The following ROR1 variants were observed in gnomAD, a reference collection of about 807,000 sequenced individuals.
The protein encoded by ROR1 is inactive tyrosine-protein kinase transmembrane receptor ROR1.
A neutral mutation model predicts 78.8 loss-of-function variants in ROR1; 19 were observed. The ratio of observed to expected loss-of-function variants is 0.24; its 90% CI spans 0.17 to 0.35. ROR1 has a LOEUF of 0.35. ROR1 is among the 10% of genes least tolerant of loss of function. The pLI is 1.00. For synonymous variants in ROR1, 386 were observed against 433.6 expected (o/e 0.89, Z 1.36); for missense variants, 917 against 1,177.8 (o/e 0.78, Z 3.24).
At chr1:64,162,376 G>A (rs564285103) in intron 8 of ROR1, among the ~76,000 whole-genome samples, 8 of 152,294 alleles carry the variant, frequency 5.3e-5, no homozygotes, top group Admixed American at 2.6e-4. Flanking sequence ...GGGAGCTGCC[G>A]ACAGACTGGC....
intron 2 of ROR1, among the ~76,000 whole-genome samples, chr1:64,022,010 A>T (rs933992600): frequency 2.6e-5 from 4 of 152,338 alleles, no homozygotes; most frequent in South Asian, 2.1e-4. Context: ...CATCAGTGGG[A>T]TGACTGGTAA....
intron 2 of ROR1, among the ~76,000 whole-genome samples, chr1:64,042,546 C>CA (rs1244522350): frequency 6.6e-6 from 1 of 152,198 alleles, no homozygotes; most frequent in Non-Finnish European, 1.5e-5. Flanking sequence ...TAAGATCCAG[C>CA]AGGTGGGGTC....
At chr1:63,806,650 T>A (rs765658879) in intron 1 of ROR1, among the ~76,000 whole-genome samples, 5 of 152,188 alleles carry the variant, frequency 3.3e-5, no homozygotes, top group Non-Finnish European at 7.3e-5. Flanking sequence ...AATTTAGTGT[T>A]TTGTTTTTGT....
At chr1:63,860,616 C>CACACACAA (rs1645174981) in intron 1 of ROR1, among the ~76,000 whole-genome samples, 2 of 146,884 alleles carry the variant, frequency 1.4e-5, no homozygotes, top group Admixed American at 6.8e-5. Context: ...TACACACACA[C>CACACACAA]AAAATAGCCA....
intron 2 of ROR1, among the ~76,000 whole-genome samples, chr1:64,020,718 G>A (rs1161990242): frequency 6.6e-6 from 1 of 152,138 alleles, no homozygotes; most frequent in African/African-American, 2.4e-5. Context: ...GCTTGCAGAA[G>A]TTGGTCCACA....
chr1:64,126,073 A>G (rs10489905), intron 4 of ROR1, among the ~76,000 whole-genome samples: 15,059 of 152,262 alleles, frequency 0.099, 873 homozygotes, highest in Non-Finnish European at 0.13. Context: ...TCAGGAAAGC[A>G]TCTTAAAGGA....
At chr1:63,970,064 C>T (rs1646107039) in intron 1 of ROR1, among the ~76,000 whole-genome samples, 1 of 152,142 alleles carries the variant, frequency 6.6e-6, no homozygotes, top group African/African-American at 2.4e-5. Flanking sequence ...TTAGAATGTT[C>T]TCTCCCTTGC....
Position 64,137,433 on chromosome 1 carries a change from G to T in ROR1, c.547G>T (p.Gly183Cys), listed in dbSNP as rs1649151204. Residue 183 changes from glycine to cysteine, a missense_variant, in exon 5 of 9, where the codon GGC becomes TGC. Gly to Cys is a radical substitution (Grantham distance 159). This residue lies in a region of ROR1 where 835 missense variants were observed against 1,069.8 expected (regional missense o/e 0.78). Transcript: ENST00000371079. ...AGGGATTGCATGTGCAAGATTTATT[G>T]GCAACCGCACCGTCTATATGGAGTC... ...YRGIACARFI[G>C]NRTVYMESLH... The T allele has an allele frequency of 6.2e-7, 1 of 1,613,822 alleles. No homozygotes were observed. The highest frequency in any genetic ancestry group is 1.7e-5 in the Admixed American group (1 of 60,004).
At position 63,864,519 on chromosome 1, in the gene ROR1, G is replaced by A. The variant is rs187446874; in HGVS notation, c.91+90011G>A. Among the ~76,000 whole-genome samples, 10 of 152,206 alleles carry A rather than the reference G, an allele frequency of 6.6e-5. No homozygotes were observed. In the East Asian group the frequency reaches 1.5e-3, roughly 24 times the overall value. ...TCCATGTGTGTTGTGTTGGTATGACGGGGGGTAGGCGGTTTGGTGGTTTTC... is the reference window on the plus strand; with the variant it reads ...TCCATGTGTGTTGTGTTGGTATGACAGGGGGTAGGCGGTTTGGTGGTTTTC... On this transcript the variant is annotated intron_variant, in intron 1 of 8. Coordinates refer to ENST00000371079, the MANE Select transcript of ROR1 (RefSeq NM_005012.4).
chr1:63,990,648 G>T (rs1646288388), intron 1 of ROR1, among the ~76,000 whole-genome samples: 1 of 152,054 alleles, frequency 6.6e-6, no homozygotes, highest in African/African-American at 2.4e-5. Context: ...TTTTGTCAAA[G>T]ATAAAATATT....
intron 4 of ROR1, among the ~76,000 whole-genome samples, chr1:64,086,532 C>T (rs1464242668): frequency 6.6e-6 from 1 of 152,218 alleles, no homozygotes; most frequent in Non-Finnish European, 1.5e-5. Flanking sequence ...ATCCTCTCTT[C>T]TAACCTACTT....
In ROR1 at chr1:63,843,322, C is replaced by T. The variant is rs1039725159; in HGVS notation, c.91+68814C>T. On this transcript the variant is annotated intron_variant, in intron 1 of 8. Coordinates refer to ENST00000371079, the MANE Select transcript of ROR1 (RefSeq NM_005012.4). ...TTGATCCCTGTCAGCTTCTTGACGGCGTCCTTGGAGCTGGCATAGATCATT... is the reference window on the plus strand; with the variant it reads ...TTGATCCCTGTCAGCTTCTTGACGGTGTCCTTGGAGCTGGCATAGATCATT... 1.4e-4 allele frequency: 163 copies of T among 1,170,072 alleles called. 1 individual carries two copies. The highest frequency in any genetic ancestry group is 1.9e-4 in the Non-Finnish European group (152 of 781,524). The allele number at this position is 1,170,072 out of a possible 1,614,324, so 72.5% of individuals were successfully genotyped here. A position where few individuals can be genotyped will look rare whatever the true frequency, so the allele number is the denominator to read the frequency against.
At chr1:64,047,714 T>G (rs1344609726) in intron 2 of ROR1, among the ~76,000 whole-genome samples, 1 of 152,190 alleles carries the variant, frequency 6.6e-6, no homozygotes, top group African/African-American at 2.4e-5. Context: ...CTCAAACATC[T>G]TAGGAACATA....
At chr1:63,968,996 C>T (rs1353035778) in intron 1 of ROR1, among the ~76,000 whole-genome samples, 1 of 152,306 alleles carries the variant, frequency 6.6e-6, no homozygotes, top group East Asian at 1.9e-4. Context: ...ATGCAGCAAA[C>T]CCTCAGTATC....
At chr1:63,960,927 A>G (rs1646022306) in intron 1 of ROR1, among the ~76,000 whole-genome samples, 1 of 152,220 alleles carries the variant, frequency 6.6e-6, no homozygotes, top group Non-Finnish European at 1.5e-5. Context: ...TATTTTTTAA[A>G]TTAGGAAACA....
At chr1:64,148,205 A>G (rs1298980623) in intron 7 of ROR1, among the ~76,000 whole-genome samples, 1 of 152,190 alleles carries the variant, frequency 6.6e-6, no homozygotes, top group Non-Finnish European at 1.5e-5. Context: ...ATACCCAAGA[A>G]AGAAAACTGA....
chr1:63,982,825 C>A (rs1335888625), intron 1 of ROR1, among the ~76,000 whole-genome samples: 1 of 152,030 alleles, frequency 6.6e-6, no homozygotes, highest in African/African-American at 2.4e-5. Context: ...GTGAAGAACA[C>A]TGGCTATCCA....
chr1:63,972,626 G>A (rs1430173372), intron 1 of ROR1, among the ~76,000 whole-genome samples: 4 of 152,178 alleles, frequency 2.6e-5, no homozygotes, highest in South Asian at 2.1e-4. Context: ...TTAGTAAGGT[G>A]GGTGGCATAC....
chr1:63,965,891 G>T (rs1646070946), intron 1 of ROR1, among the ~76,000 whole-genome samples: 1 of 152,202 alleles, frequency 6.6e-6, no homozygotes, highest in Non-Finnish European at 1.5e-5. Flanking sequence ...GGACTGTGGA[G>T]TCAGGTAAAC....
Sources: gnomAD v4.1 joint callset for allele counts (sites outside exome capture counted in the v4.1 genomes callset) on GRCh38, gnomAD v4.1.1 for gene constraint, gnomAD v4.1.1 regional missense constraint, MANE v1.5 for transcripts, NCBI Gene and HGNC (gene_info 2026-07-23, HGNC 2026-07-21) for gene names.